CSMD1: variants seen among roughly 807,000 people sequenced by gnomAD.
CSMD1 encodes CUB and Sushi multiple domains 1, also known as CUB and sushi domain-containing protein 1.
CSMD1 carries 213 observed loss-of-function variants against 417.5 expected under a neutral mutation model. That is an observed-to-expected ratio of 0.51 (90% CI 0.46 to 0.57). CSMD1 has a LOEUF of 0.57. Among genes scored for constraint, CSMD1 ranks in the 20% least tolerant of loss-of-function variants. The pLI, the probability that CSMD1 is intolerant of heterozygous loss-of-function variation, is 0.00. For synonymous variants in CSMD1, 2,862 were observed against 1,736.8 expected, an observed-to-expected ratio of 1.65 and a Z score of -16.11; for missense variants, 6,923 against 4,529.7, an observed-to-expected ratio of 1.53 and a Z score of -15.17.
intron 6 of CSMD1, among the ~76,000 whole-genome samples, chr8:3,709,304 C>T (rs1801357926): frequency 6.6e-6 from 1 of 152,080 alleles, no homozygotes. Context: ...TGAGACTGGA[C>T]CTACAGCAGC....
At chr8:4,840,056 C>T (rs1318388436) in intron 1 of CSMD1, among the ~76,000 whole-genome samples, 4 of 152,312 alleles carry the variant, frequency 2.6e-5, no homozygotes, top group African/African-American at 7.2e-5. Flanking sequence ...TATGGCTTTC[C>T]TCGGTGGACC....
intron 1 of CSMD1, among the ~76,000 whole-genome samples, chr8:4,735,173 A>G (rs1366947702): frequency 6.6e-6 from 1 of 152,156 alleles, no homozygotes. Flanking sequence ...TCCCTCACCA[A>G]TGAGGAATGC....
chr8:3,676,294 G>T (rs929597528), intron 7 of CSMD1, among the ~76,000 whole-genome samples: 28 of 152,074 alleles, frequency 1.8e-4, no homozygotes, highest in African/African-American at 6.3e-4. Context: ...TGTGGCCCTG[G>T]GGCAAGTTCC....
At chr8:4,377,311 C>T (rs978355736) in intron 3 of CSMD1, among the ~76,000 whole-genome samples, 3 of 152,146 alleles carry the variant, frequency 2.0e-5, no homozygotes, top group African/African-American at 7.2e-5. Context: ...GTCACCACAG[C>T]CCAAAACCTT....
chr8:3,951,618 C>G (rs1309951740), intron 5 of CSMD1, among the ~76,000 whole-genome samples: 1 of 151,946 alleles, frequency 6.6e-6, no homozygotes, highest in Non-Finnish European at 1.5e-5. Context: ...CTCTAGGAAA[C>G]AGCTGACAAA....
intron 1 of CSMD1, among the ~76,000 whole-genome samples, chr8:4,749,253 A>G (rs1811154091): frequency 6.6e-6 from 1 of 152,264 alleles, no homozygotes; most frequent in Non-Finnish European, 1.5e-5. Flanking sequence ...TTTAGAGAGA[A>G]TATGCTCATT....
At position 3,839,550 on chromosome 8, in the gene CSMD1, T is replaced by C. The variant is rs1001921721; in HGVS notation, c.819-85508A>G. On this transcript the variant is annotated intron_variant, in intron 5 of 69. Transcript: ENST00000635120. ...ATATGTTAAGATTTTATATATTATA[T>C]ATATATTATAATATATAATATTAAT... is the stretch of plus-strand genomic sequence containing the variant. Among the ~76,000 whole-genome samples the C allele has an allele frequency of 2.2e-4, 20 of 91,768 alleles. No homozygotes were observed. In the East Asian group the frequency reaches 6.2e-3, roughly 29 times the overall value. 60.2% of individuals were successfully genotyped at this position (91,768 alleles called of 152,430 possible).
intron 17 of CSMD1, among the ~76,000 whole-genome samples, chr8:3,395,296 G>C: frequency 6.6e-6 from 1 of 152,144 alleles, no homozygotes; most frequent in East Asian, 1.9e-4. Flanking sequence ...AGGTCCAATA[G>C]TAATTGCCAC....
intron 3 of CSMD1, among the ~76,000 whole-genome samples, chr8:4,203,661 C>A (rs1361106296): frequency 6.6e-6 from 1 of 152,010 alleles, no homozygotes; most frequent in Non-Finnish European, 1.5e-5. Flanking sequence ...GAAGTTGGTT[C>A]CTCTCCTGGC....
At chr8:3,046,090 G>GA (rs1457932591) in intron 50 of CSMD1, among the ~76,000 whole-genome samples, 1 of 152,178 alleles carries the variant, frequency 6.6e-6, no homozygotes, top group African/African-American at 2.4e-5. Flanking sequence ...AGAAGTTTGT[G>GA]AATTTTCTTC....
intron 3 of CSMD1, among the ~76,000 whole-genome samples, chr8:4,140,356 G>T (rs1803710206): frequency 1.3e-5 from 2 of 150,972 alleles, no homozygotes; most frequent in South Asian, 4.1e-4. Context: ...AAATTAGCTG[G>T]GAATGGTGGC....
chr8:4,125,357 A>C (rs1252709481), intron 3 of CSMD1, among the ~76,000 whole-genome samples: 2 of 152,126 alleles, frequency 1.3e-5, no homozygotes, highest in Non-Finnish European at 2.9e-5. Context: ...TCTCTCACCT[A>C]CTTGTGACCT....
At chr8:4,915,652 TC>T (rs1177828036) in intron 1 of CSMD1, among the ~76,000 whole-genome samples, 5 of 152,164 alleles carry the variant, frequency 3.3e-5, no homozygotes, top group Non-Finnish European at 5.9e-5. Flanking sequence ...CACCCAGACC[TC>T]GGACGAGGGA....
At chr8:3,696,911 C>G (rs545779135) in intron 7 of CSMD1, among the ~76,000 whole-genome samples, 25 of 152,186 alleles carry the variant, frequency 1.6e-4, no homozygotes, top group African/African-American at 6.0e-4. Context: ...TGAAAGAGAA[C>G]ACTTTATCAG....
intron 3 of CSMD1, among the ~76,000 whole-genome samples, chr8:4,363,482 T>C (rs1220299685): frequency 2.0e-5 from 3 of 152,084 alleles, no homozygotes; most frequent in African/African-American, 7.2e-5. Flanking sequence ...ACCCCCTCTC[T>C]GGAGGAGGAA....
chr8:3,909,223 A>G (rs907727770), intron 5 of CSMD1, among the ~76,000 whole-genome samples: 1 of 152,072 alleles, frequency 6.6e-6, no homozygotes, highest in Non-Finnish European at 1.5e-5. Flanking sequence ...TATCCTCTCA[A>G]CCTCGTCCTG....
rs552497284 is a variant in CSMD1, at chr8:3,451,790, T to G, written c.1561+16922A>C. On this transcript the variant is annotated intron_variant, in intron 12 of 69. Coordinates refer to ENST00000635120, the MANE Select transcript of CSMD1 (RefSeq NM_033225.6). ...GTTCTTTTGGCTTAGGATTGACTTGTCGATGCGGGCTCTTTTTTGGTTCCA... is the reference window on the plus strand; with the variant it reads ...GTTCTTTTGGCTTAGGATTGACTTGGCGATGCGGGCTCTTTTTTGGTTCCA... Among the ~76,000 whole-genome samples, 38 of 152,254 alleles carry G rather than the reference T, an allele frequency of 2.5e-4. No individual in the cohort carries two copies. In the East Asian group the frequency reaches 3.3e-3, roughly 13 times the overall value.
chr8:3,103,834 C>G (rs2129013552), intron 46 of CSMD1, among the ~76,000 whole-genome samples: 1 of 152,222 alleles, frequency 6.6e-6, no homozygotes, highest in Middle Eastern at 3.4e-3. Context: ...ACCTCTGCCT[C>G]CCAGGTTCCA....
chr8:3,922,045 T>C (rs1809312901), intron 5 of CSMD1, among the ~76,000 whole-genome samples: 1 of 152,206 alleles, frequency 6.6e-6, no homozygotes, highest in Admixed American at 6.5e-5. Flanking sequence ...TAATATTTGC[T>C]ATATATGTAG....
Sources: allele counts gnomAD v4.1 joint callset (sites outside exome capture counted in the v4.1 genomes callset), GRCh38; gene constraint gnomAD v4.1.1; transcripts MANE v1.5; gene names NCBI Gene and HGNC (gene_info 2026-07-23, HGNC 2026-07-21).